The following KIF6 variants were observed in gnomAD, a reference collection of about 807,000 sequenced individuals.
KIF6 encodes kinesin family member 6.
Under a neutral mutation model 112.7 loss-of-function variants are expected in KIF6, and 106 were observed. That is an observed-to-expected ratio of 0.94 (90% CI 0.80 to 1.11). The LOEUF (loss-of-function observed/expected upper bound fraction) is 1.11. Among genes scored for constraint, KIF6 ranks in the 50% least tolerant of loss-of-function variants. The pLI is 0.00. For missense variants in KIF6, 929 were observed against 964.0 expected, an observed-to-expected ratio of 0.96 and a Z score of 0.48; for synonymous variants, 339 against 339.9, an observed-to-expected ratio of 1.00 and a Z score of 0.03.
At chr6:39,363,895 G>A (rs1581681397) in intron 16 of KIF6, among the ~76,000 whole-genome samples, 1 of 152,194 alleles carries the variant, frequency 6.6e-6, no homozygotes, top group African/African-American at 2.4e-5. Flanking sequence ...TTGCAGGGAT[G>A]AGGAGCTCAC....
intron 13 of KIF6, among the ~76,000 whole-genome samples, chr6:39,445,891 G>A (rs1041073290): frequency 7.9e-5 from 12 of 152,198 alleles, no homozygotes; most frequent in Admixed American, 5.9e-4. Flanking sequence ...GGGCATTCAA[G>A]CTCAAGTGGC....
At chr6:39,534,807 A>G (rs1030006330) in intron 13 of KIF6, among the ~76,000 whole-genome samples, 1 of 152,256 alleles carries the variant, frequency 6.6e-6, no homozygotes. Flanking sequence ...AAGGGCAGCC[A>G]GGGAGAAAGG....
chr6:39,369,262 G>A lies in KIF6; in HGVS notation c.1862-6744C>T, dbSNP rs1180625566. ...GGTGCTCAGTGCTGCCATCCATCCT[G>A]GTGCTGATTTTGTAACACCTTAGCG... On this transcript the variant is annotated intron_variant, in intron 16 of 22. Transcript: ENST00000287152. Among the ~76,000 whole-genome samples the A allele has an allele frequency of 3.3e-5, 5 of 152,094 alleles. No individual in the cohort carries two copies. The South Asian group carries it at 8.3e-4, about 25-fold the overall frequency.
At chr6:39,617,285 G>A (rs1561867634) in intron 5 of KIF6, among the ~76,000 whole-genome samples, 1 of 152,114 alleles carries the variant, frequency 6.6e-6, no homozygotes, top group East Asian at 1.9e-4. Context: ...TAAGTAGTTG[G>A]AATTTGTAGA....
At chr6:39,486,479 C>T (rs969857264) in intron 13 of KIF6, among the ~76,000 whole-genome samples, 1 of 152,206 alleles carries the variant, frequency 6.6e-6, no homozygotes, top group Non-Finnish European at 1.5e-5. Flanking sequence ...ACCAAGCTGA[C>T]CTCTATCTAA....
chr6:39,581,732 C>T (rs933405649), intron 9 of KIF6, among the ~76,000 whole-genome samples: 3 of 152,128 alleles, frequency 2.0e-5, no homozygotes, highest in East Asian at 3.9e-4. Flanking sequence ...GGTTCAGCAT[C>T]CATCTTGCAA....
intron 3 of KIF6, among the ~76,000 whole-genome samples, chr6:39,648,074 A>G (rs1198284676): frequency 6.8e-6 from 1 of 147,252 alleles, no homozygotes; most frequent in Non-Finnish European, 1.5e-5. Flanking sequence ...ACCAGGCTGG[A>G]GTGCAGTGGC....
chr6:39,513,223 G>A (rs760127562), intron 13 of KIF6, among the ~76,000 whole-genome samples: 5 of 152,142 alleles, frequency 3.3e-5, no homozygotes, highest in Non-Finnish European at 7.3e-5. Flanking sequence ...TAGCTAGCCT[G>A]CAGCTAGGTT....
At chr6:39,607,285 G>C (rs1202898447) in intron 6 of KIF6, among the ~76,000 whole-genome samples, 2 of 151,986 alleles carry the variant, frequency 1.3e-5, no homozygotes, top group African/African-American at 4.8e-5. Flanking sequence ...CGATGTTTTA[G>C]AACAAATCTC....
chr6:39,620,798 T>G (rs1282733215), intron 5 of KIF6, among the ~76,000 whole-genome samples: 1 of 149,578 alleles, frequency 6.7e-6, no homozygotes, highest in Non-Finnish European at 1.5e-5. Flanking sequence ...AGGCAGAGTC[T>G]TCCACTGTTG....
intron 15 of KIF6, among the ~76,000 whole-genome samples, chr6:39,386,988 A>G (rs1188201864): frequency 6.6e-6 from 1 of 152,198 alleles, no homozygotes; most frequent in Non-Finnish European, 1.5e-5. Flanking sequence ...TCAAAAGATG[A>G]GTAGATGAGG....
At chr6:39,433,125 C>T (rs532870926) in intron 13 of KIF6, among the ~76,000 whole-genome samples, 10 of 152,368 alleles carry the variant, frequency 6.6e-5, no homozygotes, top group South Asian at 4.1e-4. Flanking sequence ...CCAGAGCCCA[C>T]GGCACTGTGG....
chr6:39,608,502 T>A (rs1455744550), intron 6 of KIF6, among the ~76,000 whole-genome samples: 1 of 152,208 alleles, frequency 6.6e-6, no homozygotes, highest in African/African-American at 2.4e-5. Context: ...GAAGTACAGT[T>A]TCTACTGCAT....
chr6:39,352,131 A>G (rs1400199562), intron 19 of KIF6, among the ~76,000 whole-genome samples: 1 of 152,218 alleles, frequency 6.6e-6, no homozygotes, highest in Admixed American at 6.5e-5. Context: ...TTATTTAGAG[A>G]AGTTTTAAGT....
intron 6 of KIF6, among the ~76,000 whole-genome samples, chr6:39,599,961 T>C (rs1437771960): frequency 1.3e-5 from 2 of 152,206 alleles, no homozygotes; most frequent in African/African-American, 4.8e-5. Flanking sequence ...GCCTACAGTT[T>C]TGTAACTTCT....
chr6:39,575,627 C>T (rs1374804593), intron 10 of KIF6, among the ~76,000 whole-genome samples: 1 of 152,180 alleles, frequency 6.6e-6, no homozygotes, highest in Non-Finnish European at 1.5e-5. Flanking sequence ...AAGACAGCAA[C>T]TGGTCTTCAG....
At position 39,461,567 on chromosome 6, in the gene KIF6, A is replaced by G. The variant is rs1280270470; in HGVS notation, c.1646-30406T>C. Among the ~76,000 whole-genome samples, 28 of 152,324 alleles carry G rather than the reference A, an allele frequency of 1.8e-4. 2 individuals are homozygous for G. The East Asian group carries it at 5.2e-3, about 28-fold the overall frequency. On this transcript the variant is annotated intron_variant, in intron 13 of 22. Transcript: ENST00000287152. ...TTTTAATATGTTTTATTAAACTCAT[A>G]TCAAAAATATAATTTCAACATGTAA...
intron 3 of KIF6, among the ~76,000 whole-genome samples, chr6:39,686,958 A>G (rs539603128): frequency 2.6e-5 from 4 of 152,246 alleles, no homozygotes; most frequent in African/African-American, 9.6e-5. Flanking sequence ...TATTTTTAGT[A>G]TTTTAGCATG....
chr6:39,540,018 G>A lies in KIF6; in HGVS notation c.1630C>T (p.Leu544Phe), dbSNP rs948326868. 7 of 1,604,548 alleles carry A rather than the reference G, an allele frequency of 4.4e-6. No homozygotes were observed. Among genetic ancestry groups the A allele is most frequent in the Middle Eastern group, 1.7e-4 (1 of 6,048 alleles). ...FSILGKRSSL[L>F]HKKIGMREEM... is the part of the protein sequence containing the mutation. ...GTCAACTGACCTATTTTCTTGTGGA[G>A]CAAACTGGATCTTTTCCCCAAAATG... The change falls in exon 13 of 23, where the codon CTC (leucine) becomes TTC (phenylalanine). Residue 544 changes from leucine to phenylalanine, a missense_variant. Physicochemically the swap from Leu to Phe is conservative, Grantham distance 22 (BLOSUM62 0). Around this residue, in one of 2 missense-constraint regions of KIF6, gnomAD observed 688 missense variants for 662.7 expected, o/e 1.04. Coordinates refer to ENST00000287152, the MANE Select transcript of KIF6 (RefSeq NM_145027.6).
Sources: gnomAD v4.1 joint callset for allele counts (sites outside exome capture counted in the v4.1 genomes callset) on GRCh38, gnomAD v4.1.1 for gene constraint, gnomAD v4.1.1 regional missense constraint, MANE v1.5 for transcripts, NCBI Gene and HGNC (gene_info 2026-07-23, HGNC 2026-07-21) for gene names.